Variants in GABRA4 observed in about 807,000 individuals in gnomAD.
GABRA4 encodes gamma-aminobutyric acid receptor subunit alpha-4.
Under a neutral mutation model 49.7 loss-of-function variants are expected in GABRA4, and 12 were observed. The observed-to-expected ratio is 0.24, with a 90% CI of 0.15 to 0.39. The LOEUF (loss-of-function observed/expected upper bound fraction) is 0.39, where lower values mean the gene tolerates loss of function less well. Among genes scored for constraint, GABRA4 ranks in the 10% least tolerant of loss-of-function variants. The probability of loss-of-function intolerance (pLI) is 1.00; values close to 1 mark genes in which losing one functional copy is unlikely to be tolerated. For missense variants in GABRA4, 506 were observed against 686.0 expected, an observed-to-expected ratio of 0.74 and a Z score of 2.93; for synonymous variants, 288 against 240.2, an observed-to-expected ratio of 1.20 and a Z score of -1.84.
intron 6 of GABRA4, among the ~76,000 whole-genome samples, chr4:46,973,571 A>G (rs568852961): frequency 6.6e-6 from 1 of 151,900 alleles, no homozygotes; most frequent in African/African-American, 2.4e-5. Flanking sequence ...TAAGTTAACT[A>G]TCATAAAAAA....
At chr4:46,944,208 T>C (rs953554570) in intron 8 of GABRA4, among the ~76,000 whole-genome samples, 3 of 152,168 alleles carry the variant, frequency 2.0e-5, no homozygotes, top group South Asian at 2.1e-4. Flanking sequence ...CAGTTCACCA[T>C]GTACATGTAT....
At chr4:46,943,627 C>T (rs1306137143) in intron 8 of GABRA4, among the ~76,000 whole-genome samples, 1 of 152,000 alleles carries the variant, frequency 6.6e-6, no homozygotes, top group Non-Finnish European at 1.5e-5. Flanking sequence ...CCCTTCCTTT[C>T]CCCAAACCAC....
intron 2 of GABRA4, among the ~76,000 whole-genome samples, chr4:46,987,815 G>C (rs1723594100): frequency 6.6e-6 from 1 of 152,038 alleles, no homozygotes; most frequent in African/African-American, 2.4e-5. Context: ...CCTTTATGCA[G>C]ACAAGATGGA....
rs1722871475 is a variant in GABRA4, at chr4:46,969,333, A to G, written c.874+1750T>C. Among the ~76,000 whole-genome samples the G allele has an allele frequency of 2.0e-5, 3 of 151,586 alleles. No homozygotes were observed. The South Asian group carries it at 6.2e-4, about 31-fold the overall frequency. ...TTCTGGGTTTTCCTTTAAATTTTTA[A>G]TGAGGGTAGCTCCAGAAATATTTGT... On this transcript the variant is annotated intron_variant, in intron 7 of 8. Coordinates refer to ENST00000264318, the MANE Select transcript of GABRA4 (RefSeq NM_000809.4).
chr4:46,945,490 G>T (rs558718897), intron 8 of GABRA4, among the ~76,000 whole-genome samples: 20 of 152,054 alleles, frequency 1.3e-4, no homozygotes, highest in Non-Finnish European at 2.5e-4. Flanking sequence ...ACAAGGACTG[G>T]TTTTTTCCTC....
chr4:46,992,905 A>G lies in GABRA4; in HGVS notation c.128T>C (p.Leu43Ser), dbSNP rs1723815474. ...SPGQNQKEEK[L>S]CTENFTRILD... The stretch of plus-strand genomic sequence containing the variant: ...GATGCGGGTGAAATTTTCTGTGCAC[A>G]ATTTCTCCTCCTTTTGGTTCTGTCC... The change falls in exon 2 of 9, where the codon TTG (leucine) becomes TCG (serine). Residue 43 changes from leucine to serine, a missense_variant. Transcript: ENST00000264318. The G allele has an allele frequency of 6.2e-7, 1 of 1,613,424 alleles. No individual in the cohort carries two copies. Among genetic ancestry groups the G allele is most frequent in the Admixed American group, 1.7e-5 (1 of 59,964 alleles).
chr4:46,961,406 A>G (rs1243641347), intron 8 of GABRA4, among the ~76,000 whole-genome samples: 1 of 151,836 alleles, frequency 6.6e-6, no homozygotes, highest in East Asian at 1.9e-4. Context: ...CCCTATCACT[A>G]TCTAACACAT....
chr4:46,987,764 C>T (rs914527437), intron 2 of GABRA4, among the ~76,000 whole-genome samples: 2 of 152,100 alleles, frequency 1.3e-5, no homozygotes, highest in Admixed American at 1.3e-4. Context: ...CTTCATTGGT[C>T]TCCCTGCTTC....
intron 8 of GABRA4, among the ~76,000 whole-genome samples, chr4:46,939,906 G>C (rs1369703720): frequency 3.9e-5 from 6 of 151,900 alleles, no homozygotes; most frequent in Admixed American, 3.9e-4. Flanking sequence ...GTCATGAAGT[G>C]CTTATAGATA....
At chr4:46,986,864 G>A (rs777956605) in intron 2 of GABRA4, among the ~76,000 whole-genome samples, 1 of 151,938 alleles carries the variant, frequency 6.6e-6, no homozygotes, top group African/African-American at 2.4e-5. Context: ...CACATCCCAC[G>A]TTCTAGCTGT....
rs1721133624 is a variant in GABRA4 at position 46,924,290 on chromosome 4, A to G, written c.*3935T>C. 6.6e-6 allele frequency: 1 copy of G among 152,110 alleles called. No individual in the cohort carries two copies. Among genetic ancestry groups the G allele is most frequent in the Non-Finnish European group, 1.5e-5 (1 of 67,994 alleles). The allele number at this position is 152,110 out of a possible 1,614,324, so 9.4% of individuals were successfully genotyped here. On this transcript the variant is annotated 3_prime_UTR_variant, in exon 9 of 9. Coordinates refer to ENST00000264318, the MANE Select transcript of GABRA4 (RefSeq NM_000809.4). ...TTTGCATTAATTTTGAGTTTTAAAA[A>G]TATTCACTTAAATATTAGGTATCTT...
chr4:46,988,941 G>T (rs930740692), intron 2 of GABRA4, among the ~76,000 whole-genome samples: 16 of 152,302 alleles, frequency 1.1e-4, no homozygotes, highest in Middle Eastern at 3.4e-3. Flanking sequence ...TTTTCTAACA[G>T]AATGATGATG....
chr4:46,961,100 A>G (rs1722557621), intron 8 of GABRA4, among the ~76,000 whole-genome samples: 1 of 151,890 alleles, frequency 6.6e-6, no homozygotes, highest in South Asian at 2.1e-4. Flanking sequence ...TGTAAAATTC[A>G]TTCTGATGAT....
chr4:46,978,620 G>A (rs1723231282), intron 3 of GABRA4, among the ~76,000 whole-genome samples: 1 of 141,504 alleles, frequency 7.1e-6, no homozygotes, highest in African/African-American at 2.6e-5. Flanking sequence ...CTGGGAGATG[G>A]AGGTTGCAGT....
chr4:46,985,189 T>C (rs1022943447), intron 2 of GABRA4, among the ~76,000 whole-genome samples: 1 of 152,004 alleles, frequency 6.6e-6, no homozygotes, highest in African/African-American at 2.4e-5. Flanking sequence ...TTCAAAACAA[T>C]TAAATATTTA....
Position 46,950,220 on chromosome 4 carries a change from T to TAAAGC in GABRA4, c.1134+14745_1134+14749dup, listed in dbSNP as rs574299271. On this transcript the variant is annotated intron_variant, in intron 8 of 8. Coordinates refer to ENST00000264318, the MANE Select transcript of GABRA4 (RefSeq NM_000809.4). ...AAGCATAAACTGCTTCAAGTCAAAA[T>TAAAGC]AAAGCAAAGCAAACAAGCTAACAAA... 1.2e-3 allele frequency among the ~76,000 whole-genome samples: 182 copies of TAAAGC among 152,066 alleles called. 1 individual carries two copies. Among genetic ancestry groups the TAAAGC allele is most frequent in the Admixed American group, 2.3e-3 (35 of 15,242 alleles).
chr4:46,993,488 G>T lies in GABRA4; in HGVS notation c.-64C>A. 5 of 1,546,214 alleles carry T rather than the reference G, an allele frequency of 3.2e-6. No homozygotes were observed. In the South Asian group the frequency reaches 3.4e-5, roughly 10 times the overall value. Reference sequence around the variant, plus strand: ...CAGGCTCTTCAGATGCCCTGAGCAGGGTGCGAGGAGAGGGCAGAGAGGCTC... The same window carrying T: ...CAGGCTCTTCAGATGCCCTGAGCAGTGTGCGAGGAGAGGGCAGAGAGGCTC... On this transcript the variant is annotated 5_prime_UTR_variant, in exon 1 of 9. Coordinates refer to ENST00000264318, the MANE Select transcript of GABRA4 (RefSeq NM_000809.4).
intron 8 of GABRA4, among the ~76,000 whole-genome samples, chr4:46,934,330 A>G (rs1257621752): frequency 2.6e-5 from 4 of 152,210 alleles, no homozygotes; most frequent in African/African-American, 9.6e-5. Flanking sequence ...AATGTGGTAG[A>G]GCAGCTAGAA....
At chr4:46,983,845 T>C (rs1163746106) in intron 2 of GABRA4, among the ~76,000 whole-genome samples, 2 of 152,086 alleles carry the variant, frequency 1.3e-5, no homozygotes, top group Non-Finnish European at 2.9e-5. Flanking sequence ...TATTTTAAAA[T>C]TCTACTTTGT....
Sources: allele counts gnomAD v4.1 joint callset (sites outside exome capture counted in the v4.1 genomes callset), GRCh38; gene constraint gnomAD v4.1.1; transcripts MANE v1.5; gene names NCBI Gene and HGNC (gene_info 2026-07-23, HGNC 2026-07-21).